PPP1R12B: variants seen among roughly 807,000 people sequenced by gnomAD.
The protein encoded by PPP1R12B is myosin phosphatase target subunit 2.
Under a neutral mutation model 126.1 loss-of-function variants are expected in PPP1R12B, and 76 were observed. The ratio of observed to expected loss-of-function variants is 0.60; its 90% confidence interval spans 0.50 to 0.73. PPP1R12B has a LOEUF of 0.73. Among genes scored for constraint, PPP1R12B ranks in the 30% least tolerant of loss-of-function variants. The pLI, the probability that PPP1R12B is intolerant of heterozygous loss-of-function variation, is 0.00. For missense variants in PPP1R12B, 1,052 were observed against 1,205.1 expected (o/e 0.87, Z 1.88); for synonymous variants, 356 against 434.7 (o/e 0.82, Z 2.25).
At chr1:202,562,158 T>G (rs1687593848) in intron 19 of PPP1R12B, among the ~76,000 whole-genome samples, 1 of 152,212 alleles carries the variant, frequency 6.6e-6, no homozygotes, top group African/African-American at 2.4e-5. Context: ...AAGAGCTCAG[T>G]TGCTAAAATA....
rs769300444 is a variant in PPP1R12B, at chr1:202,422,601, C to T, written c.423-19C>T. The T allele has an allele frequency of 2.9e-5, 47 of 1,608,404 alleles. 1 individual carries two copies. ...ATTAGATTGACAGATAATATTGATC[C>T]TGGATCTTGTCTACGCAGGTATTTC... is the stretch of plus-strand genomic sequence containing the variant. On this transcript the variant is annotated intron_variant, in intron 2 of 23. Coordinates refer to ENST00000608999, the MANE Select transcript of PPP1R12B (RefSeq NM_002481.4).
chr1:202,446,256 A>ATATATATTTTTTT (rs376183502), intron 12 of PPP1R12B, among the ~76,000 whole-genome samples: 3 of 54,338 alleles, frequency 5.5e-5, no homozygotes, highest in African/African-American at 2.1e-4. Context: ...ATATATATAT[A>ATATATATTTTTTT]TTTTTTTTTT....
chr1:202,477,815 A>G (rs978203461), intron 13 of PPP1R12B, among the ~76,000 whole-genome samples: 4 of 152,212 alleles, frequency 2.6e-5, no homozygotes, highest in Admixed American at 6.5e-5. Context: ...AATGCCACTG[A>G]TGGTGTAATC....
chr1:202,511,318 G>A (rs776197864), intron 18 of PPP1R12B, among the ~76,000 whole-genome samples: 2 of 151,930 alleles, frequency 1.3e-5, no homozygotes, highest in South Asian at 2.1e-4. Context: ...CCGGGTTCAA[G>A]CGATTCTCCT....
chr1:202,462,008 T>G (rs1446315982), intron 13 of PPP1R12B, among the ~76,000 whole-genome samples: 1 of 152,120 alleles, frequency 6.6e-6, no homozygotes, highest in Non-Finnish European at 1.5e-5. Context: ...CTAAGTGAGG[T>G]CAATTTCTGT....
intron 1 of PPP1R12B, among the ~76,000 whole-genome samples, chr1:202,390,638 G>T (rs1215558786): frequency 1.3e-5 from 2 of 150,844 alleles, no homozygotes; most frequent in Non-Finnish European, 1.5e-5. Flanking sequence ...AACAAGGACT[G>T]CAGGTGTGTG....
intron 1 of PPP1R12B, among the ~76,000 whole-genome samples, chr1:202,361,332 G>A (rs1367066525): frequency 1.3e-5 from 2 of 152,240 alleles, no homozygotes; most frequent in Non-Finnish European, 2.9e-5. Context: ...CATGAGGCCA[G>A]CATCTGCTCA....
rs1690011146 is a variant in PPP1R12B, at chr1:202,589,077, T to TAA, written c.*8518_*8519dup. On this transcript the variant is annotated 3_prime_UTR_variant, in exon 24 of 24. Coordinates refer to ENST00000608999, the MANE Select transcript of PPP1R12B (RefSeq NM_002481.4). ...CACCCTTAGTCATCTGCTATATCCATAAGTCTTCATGAGGTCATTGTTTAA... is the reference window on the plus strand; with the variant it reads ...CACCCTTAGTCATCTGCTATATCCATAAAAGTCTTCATGAGGTCATTGTTTAA... 1 of 152,154 alleles carries TAA rather than the reference T, an allele frequency of 6.6e-6. No homozygotes were observed. Among genetic ancestry groups the TAA allele is most frequent in the Admixed American group, 6.5e-5 (1 of 15,278 alleles). The allele number at this position is 152,154 out of a possible 1,614,324, so 9.4% of individuals were successfully genotyped here.
chr1:202,389,370 C>T (rs376076046), intron 1 of PPP1R12B, among the ~76,000 whole-genome samples: 4 of 152,176 alleles, frequency 2.6e-5, no homozygotes, highest in Non-Finnish European at 5.9e-5. Flanking sequence ...ACCGGCCGGG[C>T]GCGGTGGCTC....
chr1:202,560,748 C>G (rs964660106), intron 19 of PPP1R12B, among the ~76,000 whole-genome samples: 1 of 152,156 alleles, frequency 6.6e-6, no homozygotes, highest in Non-Finnish European at 1.5e-5. Context: ...AGCCCCTATT[C>G]AAGATGGAGT....
At chr1:202,467,515 A>G (rs1395325770) in intron 13 of PPP1R12B, among the ~76,000 whole-genome samples, 1 of 151,882 alleles carries the variant, frequency 6.6e-6, no homozygotes, top group Non-Finnish European at 1.5e-5. Context: ...GAGAATGATG[A>G]TTTCCAGCTT....
chr1:202,551,459 C>G (rs369080613), intron 18 of PPP1R12B, among the ~76,000 whole-genome samples: 4 of 152,058 alleles, frequency 2.6e-5, no homozygotes, highest in African/African-American at 9.7e-5. Context: ...TGTATGTAAT[C>G]ACCTAGTGCA....
intron 1 of PPP1R12B, among the ~76,000 whole-genome samples, chr1:202,414,743 A>G (rs1667841864): frequency 2.0e-5 from 3 of 152,158 alleles, no homozygotes; most frequent in African/African-American, 7.2e-5. Context: ...TGGCTAGTTC[A>G]TCTCACACCT....
intron 1 of PPP1R12B, among the ~76,000 whole-genome samples, chr1:202,387,311 G>T (rs181794961): frequency 6.6e-6 from 1 of 152,160 alleles, no homozygotes; most frequent in African/African-American, 2.4e-5. Context: ...TATGTAGAAG[G>T]TTTCATTGAG....
intron 1 of PPP1R12B, among the ~76,000 whole-genome samples, chr1:202,397,602 T>A (rs184551959): frequency 1.7e-3 from 252 of 152,218 alleles, no homozygotes; most frequent in African/African-American, 5.8e-3. Context: ...AAAATTTGAG[T>A]TTTTTGGAAG....
At chr1:202,499,197 A>C (rs1418583297) in intron 18 of PPP1R12B, among the ~76,000 whole-genome samples, 1 of 152,176 alleles carries the variant, frequency 6.6e-6, no homozygotes, top group East Asian at 1.9e-4. Flanking sequence ...AAATCAGAAG[A>C]GTGGTTGCCT....
At chr1:202,407,711 G>T (rs932229187) in intron 1 of PPP1R12B, among the ~76,000 whole-genome samples, 1 of 152,050 alleles carries the variant, frequency 6.6e-6, no homozygotes, top group Non-Finnish European at 1.5e-5. Context: ...CTCAAGCTCT[G>T]GATCAGTCAA....
At chr1:202,470,412 G>A (rs963553811) in intron 13 of PPP1R12B, among the ~76,000 whole-genome samples, 5 of 152,116 alleles carry the variant, frequency 3.3e-5, no homozygotes, top group African/African-American at 1.2e-4. Context: ...CTTTAAATAT[G>A]AATGATCATT....
chr1:202,485,964 C>T (rs1678059844), intron 13 of PPP1R12B, among the ~76,000 whole-genome samples: 1 of 152,150 alleles, frequency 6.6e-6, no homozygotes, highest in African/African-American at 2.4e-5. Context: ...TCACTACAAC[C>T]TCTGCCACCC....
Sources: gnomAD v4.1 joint callset for allele counts (sites outside exome capture counted in the v4.1 genomes callset) on GRCh38, gnomAD v4.1.1 for gene constraint, MANE v1.5 for transcripts, NCBI Gene and HGNC (gene_info 2026-07-23, HGNC 2026-07-21) for gene names.